The following NRXN3 variants were observed in gnomAD, a reference collection of about 807,000 sequenced individuals.
The protein encoded by NRXN3 is neurexin III.
In NRXN3, 32 loss-of-function variants were observed where a neutral mutation model predicts 137.6. The observed-to-expected ratio is 0.23, with a 90% CI of 0.18 to 0.31. NRXN3 has a LOEUF of 0.31. NRXN3 is among the 10% of genes least tolerant of loss of function. The pLI is 1.00. For synonymous variants in NRXN3, 798 were observed against 784.5 expected (o/e 1.02, Z -0.29); for missense variants, 1,574 against 2,062.5 (o/e 0.76, Z 4.59).
At chr14:78,734,350 G>A (rs1042982162) in intron 8 of NRXN3, among the ~76,000 whole-genome samples, 16 of 151,924 alleles carry the variant, frequency 1.1e-4, no homozygotes, top group African/African-American at 3.9e-4. Context: ...TTTATCCAAA[G>A]GGATGTTATT....
chr14:79,725,626 C>T (rs2098881414), intron 19 of NRXN3, among the ~76,000 whole-genome samples: 1 of 151,926 alleles, frequency 6.6e-6, no homozygotes, highest in African/African-American at 2.4e-5. Flanking sequence ...TTGTTCCATT[C>T]AAAGAGATTA....
intron 4 of NRXN3, among the ~76,000 whole-genome samples, chr14:78,451,499 G>GCAAAA (rs1598840046): frequency 6.6e-6 from 1 of 152,184 alleles, no homozygotes; most frequent in Non-Finnish European, 1.5e-5. Flanking sequence ...AAAAGCAAAA[G>GCAAAA]CAATGGGCTT....
intron 4 of NRXN3, among the ~76,000 whole-genome samples, chr14:78,355,074 T>G (rs1248400596): frequency 6.6e-6 from 1 of 152,196 alleles, no homozygotes; most frequent in Non-Finnish European, 1.5e-5. Flanking sequence ...AAATTATCCA[T>G]TAAGCCAACA....
chr14:79,142,565 C>T (rs1331284481), intron 15 of NRXN3, among the ~76,000 whole-genome samples: 1 of 152,098 alleles, frequency 6.6e-6, no homozygotes. Context: ...GCAAGAGTGG[C>T]TGTTGGCAAC....
intron 8 of NRXN3, among the ~76,000 whole-genome samples, chr14:78,799,668 A>G (rs117738430): frequency 0.022 from 3,375 of 152,324 alleles, 51 homozygotes; most frequent in Middle Eastern, 0.037. Flanking sequence ...TGGATAATTT[A>G]TAAAGAAAAA....
At chr14:78,853,299 T>A (rs923900461) in intron 10 of NRXN3, among the ~76,000 whole-genome samples, 13 of 152,168 alleles carry the variant, frequency 8.5e-5, no homozygotes, top group Non-Finnish European at 1.3e-4. Flanking sequence ...TTCCTACCTA[T>A]GAGTGAGAAC....
chr14:79,527,351 G>A (rs182910703), intron 16 of NRXN3, among the ~76,000 whole-genome samples: 32 of 150,814 alleles, frequency 2.1e-4, no homozygotes, highest in Admixed American at 7.3e-4. Context: ...GTAGTGTGGC[G>A]GGTTAGAGAT....
At chr14:78,568,961 G>GTTTTTTTTT (rs34485878) in intron 4 of NRXN3, among the ~76,000 whole-genome samples, 11 of 103,740 alleles carry the variant, frequency 1.1e-4, no homozygotes, top group Non-Finnish European at 1.5e-4. Flanking sequence ...GACTTTGCAG[G>GTTTTTTTTT]TTTTTTTTTT....
chr14:79,797,886 G>A (rs561925165), intron 19 of NRXN3, among the ~76,000 whole-genome samples: 2 of 152,024 alleles, frequency 1.3e-5, no homozygotes, highest in East Asian at 3.9e-4. Flanking sequence ...TCAGCCCAGG[G>A]GTTAGAGACC....
chr14:78,187,969 G>A (rs957146329), intron 1 of NRXN3, among the ~76,000 whole-genome samples: 5 of 152,056 alleles, frequency 3.3e-5, no homozygotes, highest in African/African-American at 1.2e-4. Flanking sequence ...TTCACTGTAT[G>A]CTCTTTAACT....
chr14:78,996,553 T>C (rs373567426), intron 15 of NRXN3, among the ~76,000 whole-genome samples: 10 of 152,338 alleles, frequency 6.6e-5, no homozygotes, highest in African/African-American at 1.9e-4. Context: ...ATTTCTAGTG[T>C]CTGTGTTATT....
At chr14:78,635,129 CA>C (rs2097556651) in intron 4 of NRXN3, among the ~76,000 whole-genome samples, 1 of 151,960 alleles carries the variant, frequency 6.6e-6, no homozygotes, top group Non-Finnish European at 1.5e-5. Flanking sequence ...GGAGTTTTAC[CA>C]AAAATATAAT....
In NRXN3 at chr14:78,734,733, T is replaced by C. The variant is rs111455248; in HGVS notation, c.2044+19594T>C. Reference sequence around the variant, plus strand: ...CCAGACAAAGATGGATGCAGTCTTCTAGGCAGAAGGTTGTTACAAAGCCCA... The same window carrying C: ...CCAGACAAAGATGGATGCAGTCTTCCAGGCAGAAGGTTGTTACAAAGCCCA... On this transcript the variant is annotated intron_variant, in intron 8 of 20. Coordinates refer to ENST00000335750, the MANE Select transcript of NRXN3 (RefSeq NM_001330195.2). 9.6e-3 allele frequency among the ~76,000 whole-genome samples: 1,456 copies of C among 152,254 alleles called. 25 individuals are homozygous for C. Among genetic ancestry groups the C allele is most frequent in the African/African-American group, 0.033 (1,370 of 41,554 alleles).
At chr14:79,650,134 G>A (rs987011095) in intron 16 of NRXN3, among the ~76,000 whole-genome samples, 2 of 151,554 alleles carry the variant, frequency 1.3e-5, no homozygotes, top group Non-Finnish European at 2.9e-5. Context: ...CTTGCTTGAT[G>A]TGTGGGGAAA....
At chr14:78,447,914 A>G (rs1374803964) in intron 4 of NRXN3, among the ~76,000 whole-genome samples, 2 of 152,218 alleles carry the variant, frequency 1.3e-5, no homozygotes, top group Non-Finnish European at 2.9e-5. Context: ...CCTTATAAAA[A>G]TGTACCAGTA....
chr14:78,446,483 C>T (rs553158651), intron 4 of NRXN3, among the ~76,000 whole-genome samples: 2 of 151,970 alleles, frequency 1.3e-5, no homozygotes, highest in South Asian at 4.2e-4. Flanking sequence ...AGGTATACTT[C>T]ATACTTGCTA....
intron 15 of NRXN3, among the ~76,000 whole-genome samples, chr14:79,189,240 A>G (rs2063925568): frequency 6.6e-6 from 1 of 152,068 alleles, no homozygotes; most frequent in Non-Finnish European, 1.5e-5. Flanking sequence ...CTTTGTAGGG[A>G]CATGGATGAA....
intron 4 of NRXN3, among the ~76,000 whole-genome samples, chr14:78,507,865 T>C (rs1400676315): frequency 1.3e-5 from 2 of 152,212 alleles, no homozygotes; most frequent in Non-Finnish European, 2.9e-5. Flanking sequence ...GTCAAAGCTG[T>C]AATTTCTGCC....
At chr14:78,515,760 A>T (rs2096195950) in intron 4 of NRXN3, among the ~76,000 whole-genome samples, 1 of 152,070 alleles carries the variant, frequency 6.6e-6, no homozygotes, top group African/African-American at 2.4e-5. Flanking sequence ...GAGTGTAAAG[A>T]TAATTTGAGG....
Sources: allele counts gnomAD v4.1 joint callset (sites outside exome capture counted in the v4.1 genomes callset), GRCh38; gene constraint gnomAD v4.1.1; transcripts MANE v1.5; gene names NCBI Gene and HGNC (gene_info 2026-07-23, HGNC 2026-07-21).